Variants in NLRP12 observed in about 807,000 individuals in gnomAD.
NLRP12 encodes NACHT, LRR and PYD domains-containing protein 12.
NLRP12 carries 108 observed loss-of-function variants against 91.2 expected under a neutral mutation model. The ratio of observed to expected loss-of-function variants is 1.18; its 90% CI spans 1.01 to 1.39. The LOEUF (loss-of-function observed/expected upper bound fraction) is 1.39, where lower values mean the gene tolerates loss of function less well. Among genes scored for constraint, NLRP12 ranks in the 40% most tolerant of loss-of-function variants. The probability of loss-of-function intolerance (pLI) is 0.00; values close to 1 mark genes in which losing one functional copy is unlikely to be tolerated. For synonymous variants in NLRP12, 613 were observed against 566.7 expected (o/e 1.08, Z -1.16); for missense variants, 1,530 against 1,352.7 (o/e 1.13, Z -2.06).
chr19:53,817,012 CA>C (rs58742227), intron 1 of NLRP12, among the ~76,000 whole-genome samples: 151,597 of 151,628 alleles, frequency 1, 75,783 homozygotes, highest in East Asian at 1. Flanking sequence ...TTAAGAGGGC[CA>C]GGGCGCGGTG....
rs544045660 is a variant in NLRP12 at position 53,795,650 on chromosome 19, A to G, written c.3098+209T>C. ...CGGCCTCCCAAAGTGCTGGGATTAT[A>G]GGTGTGAGCCACCGCGCCCGGCCTC... On this transcript the variant is annotated intron_variant, in intron 9 of 9. Transcript: ENST00000324134. 1.6e-4 allele frequency among the ~76,000 whole-genome samples: 24 copies of G among 152,118 alleles called. 1 individual carries two copies. The South Asian group carries it at 2.3e-3, about 14-fold the overall frequency.
chr19:53,795,808 C>T (rs769082456), intron 9 of NLRP12, 51 bp downstream of exon 9: 2 of 1,569,672 alleles, frequency 1.3e-6, no homozygotes, highest in Non-Finnish European at 1.8e-6. Context: ...CCCTCATGCT[C>T]CCAGCCCAAT....
rs1206499394 is a variant in NLRP12 at position 53,810,359 on chromosome 19, C to G, written c.1300G>C (p.Val434Leu). ...LRQTSRTTTA[V>L]YMLYLLSLMQ... The stretch of plus-strand genomic sequence containing the variant: ...AGACTCAGCAGGTAGAGCATGTACA[C>G]TGCAGTGGTGGTCCTGGACGTCTGT... Residue 434 changes from valine to leucine, a missense_variant, in exon 3 of 10, where the codon GTG becomes CTG. By Grantham distance (32) the Val-to-Leu change is conservative. Coordinates refer to ENST00000324134, the MANE Select transcript of NLRP12 (RefSeq NM_144687.4). 6.2e-7 allele frequency: 1 copy of G among 1,613,646 alleles called. No homozygotes were observed. The highest frequency in any genetic ancestry group is 8.5e-7 in the Non-Finnish European group (1 of 1,180,016).
rs762313275 is a variant in NLRP12, at chr19:53,823,988, G to A, written c.187C>T (p.His63Tyr). Residue 63 changes from histidine to tyrosine, a missense_variant, in exon 1 of 10, where the codon CAC becomes TAC. By Grantham distance (83) the His-to-Tyr change is moderately conservative (BLOSUM62 2). Transcript: ENST00000324134. ...CTCCAGGCCTCCTCTGGCCCGAAGT[G>A]GGTGATGAGCAGCTGGGCCATTTCC... ...PLEMAQLLIT[H>Y]FGPEEAWRLA... The A allele has an allele frequency of 2.5e-6, 4 of 1,614,038 alleles. No homozygotes were observed. The highest frequency in any genetic ancestry group is 2.5e-6 in the Non-Finnish European group (3 of 1,180,050).
At chr19:53,801,148 C>G in intron 7 of NLRP12, 79 bp downstream of exon 7, 2 of 1,338,200 alleles carry the variant, frequency 1.5e-6, no homozygotes, top group Non-Finnish European at 2.1e-6. Flanking sequence ...GCAGAGACAA[C>G]CTGGCCTCCG....
rs200742741 is a variant in NLRP12, at chr19:53,798,339, C to A, written c.2831G>T (p.Arg944Leu). Reference protein sequence around the residue: ...SVVLQANHNLRELDLSFNDLG... With the variant: ...SVVLQANHNLLELDLSFNDLG... The stretch of plus-strand genomic sequence containing the variant: ...GTCGTTGAAACTCAAGTCCAGCTCC[C>A]GGAGGTTGTGGTTGGCCTGGAGCAC... The change falls in exon 8 of 10, where the codon CGG becomes CTG. Residue 944 changes from arginine to leucine, a missense_variant. Physicochemically the swap from Arg to Leu is moderately radical, Grantham distance 102. Coordinates refer to ENST00000324134, the MANE Select transcript of NLRP12 (RefSeq NM_144687.4). 2 of 1,614,082 alleles carry A rather than the reference C, an allele frequency of 1.2e-6. No homozygotes were observed. Among genetic ancestry groups the A allele is most frequent in the South Asian group, 1.1e-5 (1 of 91,082 alleles).
chr19:53,823,328 CTAT>C (rs1238603372), intron 1 of NLRP12, among the ~76,000 whole-genome samples: 1 of 128,228 alleles, frequency 7.8e-6, no homozygotes, highest in African/African-American at 3.0e-5. Context: ...TAAATATATA[CTAT>C]ATTTATATAT....
chr19:53,817,318 T>G (rs983005398), intron 1 of NLRP12, among the ~76,000 whole-genome samples: 1 of 152,036 alleles, frequency 6.6e-6, no homozygotes, highest in East Asian at 1.9e-4. Context: ...TAATCCCAGC[T>G]ACTCGGGAGG....
Position 53,795,977 on chromosome 19 carries a change from G to C in NLRP12, c.2980C>G (p.Leu994Val), listed in dbSNP as rs1369763318. 1 of 1,614,038 alleles carries C rather than the reference G, an allele frequency of 6.2e-7. No individual in the cohort carries two copies. Among genetic ancestry groups the C allele is most frequent in the African/African-American group, 1.3e-5 (1 of 74,936 alleles). Residue 994 changes from leucine to valine, a missense_variant, in exon 9 of 10, where the codon CTG becomes GTG. Coordinates refer to ENST00000324134, the MANE Select transcript of NLRP12 (RefSeq NM_144687.4). ...TCGGTCAAGGTCTGGTTGATCCCCA[G>C]GGTGAAGTAAAGATTCTCACAAGCC... ...AKACENLYFT[L>V]GINQTLTDLY...
rs1158419664 is a variant in NLRP12, at chr19:53,821,031, C to CTTTT, written c.289+2851_289+2854dup. On this transcript the variant is annotated intron_variant, in intron 1 of 9. Coordinates refer to ENST00000324134, the MANE Select transcript of NLRP12 (RefSeq NM_144687.4). ...TGCCTGAGTATAAATCATATTTTTT[C>CTTTT]TTTTTTTTTTTTTTTTTTTTTTGAG... Among the ~76,000 whole-genome samples, 79 of 81,272 alleles carry CTTTT rather than the reference C, an allele frequency of 9.7e-4. 1 individual carries two copies. Among genetic ancestry groups the CTTTT allele is most frequent in the African/African-American group, 3.8e-3 (65 of 17,320 alleles). 53.3% of individuals were successfully genotyped at this position (81,272 alleles called of 152,430 possible). A position where few individuals can be genotyped will look rare whatever the true frequency, so the allele number is the denominator to read the frequency against.
chr19:53,807,102 G>A (rs535020540), intron 4 of NLRP12, among the ~76,000 whole-genome samples: 4 of 151,046 alleles, frequency 2.6e-5, no homozygotes, highest in Admixed American at 2.0e-4. Context: ...GAGTCTCACC[G>A]TATCACCCAG....
intron 8 of NLRP12, 82 bp downstream of exon 8, chr19:53,798,161 A>G: frequency 1.4e-6 from 2 of 1,443,422 alleles, no homozygotes. Context: ...AGGATAGTTC[A>G]TAAATAGAAA....
chr19:53,804,726 A>T (rs919249548), intron 5 of NLRP12, among the ~76,000 whole-genome samples: 2 of 147,376 alleles, frequency 1.4e-5, no homozygotes, highest in Non-Finnish European at 3.0e-5. Context: ...CTGGCTAATT[A>T]AAAAAAAAAA....
chr19:53,803,458 G>T (rs1397555598), intron 6 of NLRP12, among the ~76,000 whole-genome samples: 2 of 151,678 alleles, frequency 1.3e-5, no homozygotes, highest in African/African-American at 4.8e-5. Context: ...GGGATTACAG[G>T]CGTGAACTAC....
chr19:53,814,111 C>T (rs979938342), intron 2 of NLRP12, among the ~76,000 whole-genome samples: 1 of 152,098 alleles, frequency 6.6e-6, no homozygotes, highest in African/African-American at 2.4e-5. Context: ...CCGGTTTCTT[C>T]CCTGCCAGCA....
intron 8 of NLRP12, 181 bp from the exon 9 acceptor site, chr19:53,796,210 G>GAGTAGC (rs2122508764): frequency 5.0e-5 from 33 of 662,276 alleles, no homozygotes; most frequent in South Asian, 4.6e-4. Context: ...GGGATTACAG[G>GAGTAGC]TGTGCACCAC....
chr19:53,811,347 C>T (rs1229720528), intron 2 of NLRP12, 59 bp from the exon 3 acceptor site: 11 of 1,587,300 alleles, frequency 6.9e-6, no homozygotes, highest in South Asian at 3.3e-5. Flanking sequence ...AATGAGTTCA[C>T]GAGGTAAAGC....
intron 1 of NLRP12, among the ~76,000 whole-genome samples, chr19:53,817,236 C>A (rs537940022): frequency 1.3e-5 from 2 of 151,818 alleles, no homozygotes; most frequent in Admixed American, 1.3e-4. Context: ...TCAAGACTAG[C>A]CTTACCAACG....
In NLRP12 at chr19:53,801,227, C is replaced by A. The variant is rs201596732; in HGVS notation, c.2756G>T (p.Arg919Leu). Residue 919 changes from arginine to leucine, a missense_variant and splice_region_variant, in exon 7 of 10, where the codon CGG (arginine) becomes CTG (leucine). Transcript: ENST00000324134. Reference sequence around the variant, plus strand: ...GCGTGGTGAGCAAAACGGGACTCACCGCAGGGTCTGGAGCTTGCACGTGGG... The same window carrying A: ...GCGTGGTGAGCAAAACGGGACTCACAGCAGGGTCTGGAGCTTGCACGTGGG... The part of the protein sequence containing the change: ...RHPTCKLQTL[R>L]LGICRLGSAA... 3 of 1,613,812 alleles carry A rather than the reference C, an allele frequency of 1.9e-6. No individual in the cohort carries two copies. The highest frequency in any genetic ancestry group is 1.7e-4 in the Middle Eastern group (1 of 6,048).
Sources: allele counts gnomAD v4.1 joint callset (sites outside exome capture counted in the v4.1 genomes callset), GRCh38; gene constraint gnomAD v4.1.1; transcripts MANE v1.5; gene names NCBI Gene and HGNC (gene_info 2026-07-23, HGNC 2026-07-21).